The following PRXL2A variants were observed in gnomAD, a reference collection of about 807,000 sequenced individuals.
PRXL2A encodes peroxiredoxin like 2A, also known as peroxiredoxin-like 2A.
PRXL2A carries 26 observed loss-of-function variants against 25.6 expected under a neutral mutation model. The observed-to-expected ratio is 1.02, with a 90% confidence interval of 0.74 to 1.41. The LOEUF is 1.41. Among genes scored for constraint, PRXL2A ranks in the 40% most tolerant of loss-of-function variants. The probability of loss-of-function intolerance (pLI) is 0.00; values close to 1 mark genes in which losing one functional copy is unlikely to be tolerated. For synonymous variants in PRXL2A, 98 were observed against 102.9 expected, an observed-to-expected ratio of 0.95 and a Z score of 0.29; for missense variants, 246 against 273.9, an observed-to-expected ratio of 0.90 and a Z score of 0.72.
Position 80,433,985 on chromosome 10 carries a change from TAGAC to T in PRXL2A, c.*1891_*1894del, listed in dbSNP as rs1055721081. ...CATCTCTACTAAAAATACAAAATAT[TAGAC>T]AGACGGGGTGGTACATGCCTGTAAT... is the stretch of plus-strand genomic sequence containing the variant. On this transcript the variant is annotated 3_prime_UTR_variant, in exon 6 of 6. Coordinates refer to ENST00000606162, the MANE Select transcript of PRXL2A (RefSeq NM_032333.5). The T allele has an allele frequency of 3.9e-5, 6 of 152,104 alleles. No individual in the cohort carries two copies. The highest frequency in any genetic ancestry group is 2.1e-4 in the South Asian group (1 of 4,810). 9.4% of individuals were successfully genotyped at this position (152,104 alleles called of 1,614,324 possible). A position where few individuals can be genotyped will look rare whatever the true frequency, so the allele number is the denominator to read the frequency against.
At position 80,432,591 on chromosome 10, in the gene PRXL2A, A is replaced by G. The variant is rs1007083088; in HGVS notation, c.*492A>G. ...GGGAGGTGGAGGTTGCGGTGAGCTG[A>G]GATCACACCACTGTATTCCAGCCTG... On this transcript the variant is annotated 3_prime_UTR_variant, in exon 6 of 6. Transcript: ENST00000606162. 6.6e-6 allele frequency: 1 copy of G among 151,016 alleles called. No homozygotes were observed. The highest frequency in any genetic ancestry group is 6.7e-5 in the Admixed American group (1 of 15,020). 9.4% of individuals were successfully genotyped at this position (151,016 alleles called of 1,614,324 possible).
rs766789867 is a variant in PRXL2A, at chr10:80,432,005, G to A, written c.596G>A (p.Arg199Gln). The A allele has an allele frequency of 1.4e-5, 22 of 1,610,722 alleles. No individual in the cohort carries two copies. In the Middle Eastern group the frequency reaches 4.9e-4, roughly 36 times the overall value. Residue 199 changes from arginine to glutamine, a missense_variant, in exon 6 of 6, where the codon CGA (arginine) becomes CAA (glutamine). Physicochemically the swap from Arg to Gln is conservative, Grantham distance 43 (BLOSUM62 1). Coordinates refer to ENST00000606162, the MANE Select transcript of PRXL2A (RefSeq NM_032333.5). ...SGKQGILLEH[R>Q]EKEFGDKVNL... is the part of the protein sequence containing the mutation. ...TTTTAGGGCATTCTTCTTGAGCACC[G>A]AGAAAAAGAATTTGGAGACAAAGTA...
chr10:80,434,297 G>T lies in PRXL2A; in HGVS notation c.*2198G>T, dbSNP rs377657772. The T allele has an allele frequency of 1.3e-5, 2 of 152,270 alleles. No homozygotes were observed. The highest frequency in any genetic ancestry group is 3.9e-4 in the East Asian group (2 of 5,180). 9.4% of individuals were successfully genotyped at this position (152,270 alleles called of 1,614,324 possible). A position where few individuals can be genotyped will look rare whatever the true frequency, so the allele number is the denominator to read the frequency against. The stretch of plus-strand genomic sequence containing the variant: ...CATTTTGGAAAGAGCACTGGATTGA[G>T]TCATGAGGCATAATCAATTTCTAGT... On this transcript the variant is annotated 3_prime_UTR_variant, in exon 6 of 6. Transcript: ENST00000606162.
chr10:80,420,757 A>C, intron 2 of PRXL2A, 112 bp downstream of exon 2: 3 of 764,824 alleles, frequency 3.9e-6, no homozygotes, highest in Non-Finnish European at 5.7e-6. Context: ...ATATAACAAC[A>C]TTAGGAAAAA....
chr10:80,422,450 A>G lies in PRXL2A; in HGVS notation c.212A>G (p.Glu71Gly), dbSNP rs755839655. 6.8e-6 allele frequency: 11 copies of G among 1,612,534 alleles called. No individual in the cohort carries two copies. The African/African-American group carries it at 8.0e-5, about 12-fold the overall frequency. Residue 71 changes from glutamate to glycine, a missense_variant, in exon 3 of 6, where the codon GAA becomes GGA. Glu to Gly is a moderately conservative substitution (Grantham distance 98). Coordinates refer to ENST00000606162, the MANE Select transcript of PRXL2A (RefSeq NM_032333.5). Reference sequence around the variant, plus strand: ...ACTTTCAAAGCAAAGGAGCTATGGGAAAAAAATGGAGCTGTGATTATGGCC... The same window carrying G: ...ACTTTCAAAGCAAAGGAGCTATGGGGAAAAAATGGAGCTGTGATTATGGCC... Reference protein sequence around the residue: ...PRTFKAKELWEKNGAVIMAVR... With the variant: ...PRTFKAKELWGKNGAVIMAVR...
intron 5 of PRXL2A, among the ~76,000 whole-genome samples, chr10:80,430,722 T>C (rs1385494097): frequency 2.6e-5 from 4 of 152,140 alleles, no homozygotes; most frequent in African/African-American, 7.2e-5. Context: ...GGGAAAACCA[T>C]CCTATGAGCT....
intron 3 of PRXL2A, among the ~76,000 whole-genome samples, chr10:80,424,256 G>A (rs1844959970): frequency 6.6e-6 from 1 of 151,900 alleles, no homozygotes; most frequent in African/African-American, 2.4e-5. Flanking sequence ...GGAGTAAAGA[G>A]CCAGGAAAAG....
chr10:80,418,750 A>G (rs1292341246), intron 1 of PRXL2A, among the ~76,000 whole-genome samples: 1 of 152,114 alleles, frequency 6.6e-6, no homozygotes, highest in Non-Finnish European at 1.5e-5. Context: ...AAAGATAGAT[A>G]TTGTAAGTGG....
At position 80,425,859 on chromosome 10, in the gene PRXL2A, T is replaced by C. The variant is rs1333742337; in HGVS notation, c.271-7T>C. On this transcript the variant is annotated splice_region_variant and splice_polypyrimidine_tract_variant and intron_variant, in intron 3 of 5. Coordinates refer to ENST00000606162, the MANE Select transcript of PRXL2A (RefSeq NM_032333.5). Reference sequence around the variant, plus strand: ...CAGATGTCCCTGAACCCTTGTGTCTTCTACAGGAAGCTGCGGATCTGTCCT... The same window carrying C: ...CAGATGTCCCTGAACCCTTGTGTCTCCTACAGGAAGCTGCGGATCTGTCCT... 3 of 1,614,208 alleles carry C rather than the reference T, an allele frequency of 1.9e-6. No individual in the cohort carries two copies. The Admixed American group carries it at 5.0e-5, about 27-fold the overall frequency.
rs950558864 is a variant in PRXL2A at position 80,436,587 on chromosome 10, C to G, written c.*4488C>G. The G allele has an allele frequency of 1.3e-5, 2 of 152,308 alleles. No individual in the cohort carries two copies. The highest frequency in any genetic ancestry group is 4.8e-5 in the African/African-American group (2 of 41,456). The allele number at this position is 152,308 out of a possible 1,614,324, so 9.4% of individuals were successfully genotyped here. ...TCTGATAACTTTAAAAGGAAGGCCTCAGAAGCAGCCCCAGAAGCAAAAGTT... is the reference window on the plus strand; with the variant it reads ...TCTGATAACTTTAAAAGGAAGGCCTGAGAAGCAGCCCCAGAAGCAAAAGTT... On this transcript the variant is annotated 3_prime_UTR_variant, in exon 6 of 6. Coordinates refer to ENST00000606162, the MANE Select transcript of PRXL2A (RefSeq NM_032333.5).
chr10:80,431,714 C>T (rs758832722), intron 5 of PRXL2A, among the ~76,000 whole-genome samples: 7 of 152,100 alleles, frequency 4.6e-5, no homozygotes, highest in Non-Finnish European at 8.8e-5. Context: ...CCCTCCGTGC[C>T]TCTGTGAGGC....
chr10:80,413,262 A>G (rs1444853950), intron 1 of PRXL2A, among the ~76,000 whole-genome samples: 1 of 152,104 alleles, frequency 6.6e-6, no homozygotes, highest in African/African-American at 2.4e-5. Flanking sequence ...CAGAACAGCA[A>G]TAGGAACTTG....
intron 1 of PRXL2A, among the ~76,000 whole-genome samples, chr10:80,416,713 A>G (rs559661283): frequency 1.3e-5 from 2 of 152,338 alleles, no homozygotes; most frequent in South Asian, 2.1e-4. Flanking sequence ...CTGATGGCCA[A>G]CCAAGCACGA....
Position 80,432,249 on chromosome 10 carries a change from A to G in PRXL2A, c.*150A>G. ...ATTAATGTATTTTAATATTCTGTTT[A>G]GGCCCACTAAGGCAAAATAGCCCCA... On this transcript the variant is annotated 3_prime_UTR_variant, in exon 6 of 6. Transcript: ENST00000606162. 1.8e-6 allele frequency: 1 copy of G among 541,318 alleles called. No homozygotes were observed. The highest frequency in any genetic ancestry group is 4.7e-4 in the Middle Eastern group (1 of 2,126). The allele number at this position is 541,318 out of a possible 1,614,324, so 33.5% of individuals were successfully genotyped here. A position where few individuals can be genotyped will look rare whatever the true frequency, so the allele number is the denominator to read the frequency against.
At chr10:80,426,791 G>A (rs1270514923) in intron 4 of PRXL2A, among the ~76,000 whole-genome samples, 1 of 152,198 alleles carries the variant, frequency 6.6e-6, no homozygotes, top group Non-Finnish European at 1.5e-5. Context: ...CCTAGGTCAG[G>A]CCTACCTTGA....
At chr10:80,413,989 A>C in intron 1 of PRXL2A, 1 of 538,516 alleles carries the variant, frequency 1.9e-6, no homozygotes, top group African/African-American at 2.1e-5. Context: ...TGGAAACTGA[A>C]TTTGGGGCGG....
In PRXL2A at chr10:80,432,104, G is replaced by A; in HGVS notation, c.*5G>A. On this transcript the variant is annotated 3_prime_UTR_variant, in exon 6 of 6. Transcript: ENST00000606162. ...TTGGCCTCAGAGAAAAAATGATTGT[G>A]TGAAACTGCCCAGCTCAGGGATAAC... 1 of 1,557,036 alleles carries A rather than the reference G, an allele frequency of 6.4e-7. No homozygotes were observed. The highest frequency in any genetic ancestry group is 8.8e-7 in the Non-Finnish European group (1 of 1,133,700).
At chr10:80,412,054 C>T (rs537905734) in intron 1 of PRXL2A, among the ~76,000 whole-genome samples, 1 of 152,290 alleles carries the variant, frequency 6.6e-6, no homozygotes, top group South Asian at 2.1e-4. Flanking sequence ...GGTGAATGTG[C>T]ACACCCAGCA....
At chr10:80,422,664 T>C (rs1844912704) in intron 3 of PRXL2A, among the ~76,000 whole-genome samples, 156 bp downstream of exon 3, 1 of 83,070 alleles carries the variant, frequency 1.2e-5, no homozygotes, top group Admixed American at 1.4e-4. Flanking sequence ...ATTTGTGCTC[T>C]TTTTTTTTTT....
Sources: allele counts gnomAD v4.1 joint callset (sites outside exome capture counted in the v4.1 genomes callset), GRCh38; gene constraint gnomAD v4.1.1; transcripts MANE v1.5; gene names NCBI Gene and HGNC (gene_info 2026-07-23, HGNC 2026-07-21).